Variants in BLTP1 observed in about 807,000 individuals in gnomAD.
BLTP1 encodes fragile site-associated protein.
chr4:122,359,529 A>G, the BLTP1 span: 3 of 1,599,240 alleles, frequency 1.9e-6, no homozygotes, highest in South Asian at 3.3e-5. Context: ...ACATAAATGT[A>G]TCATACTAAT....
chr4:122,194,316 T>C, the BLTP1 span, among the ~76,000 whole-genome samples: 1 of 152,224 alleles, frequency 6.6e-6, no homozygotes, highest in Non-Finnish European at 1.5e-5. Flanking sequence ...ATTTGAAAAT[T>C]CTTGCATTAT....
chr4:122,242,820 C>T, the BLTP1 span: 1 of 164,940 alleles, frequency 6.1e-6, no homozygotes, highest in Non-Finnish European at 1.3e-5. Context: ...TTATTTGAAT[C>T]AACAAAGTGA....
At chr4:122,320,978 C>T in the BLTP1 span, among the ~76,000 whole-genome samples, 9 of 144,674 alleles carry the variant, frequency 6.2e-5, no homozygotes, top group East Asian at 1.8e-3. Flanking sequence ...TCTTTTTTTA[C>T]TTTTTCTTTT....
At chr4:122,274,856 AT>A in the BLTP1 span, among the ~76,000 whole-genome samples, 1,383 of 152,228 alleles carry the variant, frequency 9.1e-3, 14 homozygotes, top group Non-Finnish European at 0.014. Flanking sequence ...GAAGTATGAT[AT>A]GTTACAGCTC....
At chr4:122,306,574 G>A in the BLTP1 span, 1 of 984,606 alleles carries the variant, frequency 1.0e-6, no homozygotes, top group East Asian at 1.1e-4. Flanking sequence ...TGAATTAGGA[G>A]TTCACCAGGG....
At chr4:122,206,958 C>T in the BLTP1 span, 1 of 557,968 alleles carries the variant, frequency 1.8e-6, no homozygotes. Context: ...TATTTAAATA[C>T]ATCCTAATCA....
At chr4:122,312,778 A>G in the BLTP1 span, 8 of 763,192 alleles carry the variant, frequency 1.0e-5, no homozygotes, top group South Asian at 3.0e-4. Flanking sequence ...TGTAATACCA[A>G]ATTACCTAAA....
At chr4:122,247,812 C>T in the BLTP1 span, 1 of 989,548 alleles carries the variant, frequency 1.0e-6, no homozygotes. Context: ...CTCTTAAAGT[C>T]CCTAGTTAGG....
chr4:122,211,136 A>G, the BLTP1 span: 16 of 1,515,736 alleles, frequency 1.1e-5, no homozygotes, highest in Admixed American at 2.7e-4. Flanking sequence ...TTAAATATAG[A>G]CAAAGCAATT....
chr4:122,218,782 G>T, the BLTP1 span, among the ~76,000 whole-genome samples: 4 of 152,194 alleles, frequency 2.6e-5, no homozygotes, highest in African/African-American at 9.7e-5. Context: ...AAACCAGGAT[G>T]AACTATGTGA....
chr4:122,293,486 A>G, the BLTP1 span, among the ~76,000 whole-genome samples: 1 of 151,768 alleles, frequency 6.6e-6, no homozygotes. Context: ...GCCAGGGAAA[A>G]CCAGGTTTTT....
the BLTP1 span, chr4:122,229,701 C>G: frequency 1.0e-6 from 1 of 960,510 alleles, no homozygotes; most frequent in Non-Finnish European, 1.2e-6. Context: ...CTGCTTTTTT[C>G]CTTTTCTCCT....
the BLTP1 span, chr4:122,189,567 T>C: frequency 3.8e-6 from 3 of 799,020 alleles, no homozygotes; most frequent in Non-Finnish European, 4.5e-6. Context: ...TTATTAGTTA[T>C]TAATATTAAG....
At chr4:122,358,835 A>G in the BLTP1 span, among the ~76,000 whole-genome samples, 2 of 152,198 alleles carry the variant, frequency 1.3e-5, no homozygotes, top group East Asian at 3.8e-4. Flanking sequence ...TATTAATGGC[A>G]AAAACTGCAA....
At chr4:122,359,749 C>T in the BLTP1 span, 2 of 1,574,016 alleles carry the variant, frequency 1.3e-6, no homozygotes, top group Admixed American at 1.9e-5. Flanking sequence ...TACATTTACC[C>T]ATATGCTAAG....
the BLTP1 span, chr4:122,257,546 G>GTGTTGA: frequency 6.5e-7 from 1 of 1,549,824 alleles, no homozygotes; most frequent in East Asian, 2.3e-5. Context: ...ACAAAACTAG[G>GTGTTGA]GTGTTTTCTT....
the BLTP1 span, chr4:122,269,609 TCAGTA>T: frequency 2.0e-6 from 2 of 984,918 alleles, no homozygotes; most frequent in African/African-American, 3.5e-5. Flanking sequence ...GCCATTAATT[TCAGTA>T]TTGTCTGGGT....
the BLTP1 span, chr4:122,162,461 C>T: frequency 1.1e-6 from 1 of 951,668 alleles, no homozygotes; most frequent in Non-Finnish European, 1.3e-6. Flanking sequence ...TCTTGAGGAC[C>T]TGTGGGCAGG....
the BLTP1 span, among the ~76,000 whole-genome samples, chr4:122,238,806 C>T: frequency 6.6e-6 from 1 of 152,154 alleles, no homozygotes; most frequent in African/African-American, 2.4e-5. Context: ...ATTTCTTCCT[C>T]CTTTCTTTTT....
Sources: gnomAD v4.1 joint callset for allele counts (sites outside exome capture counted in the v4.1 genomes callset) on GRCh38, gnomAD v4.1.1 for gene constraint, MANE v1.5 for transcripts, NCBI Gene and HGNC (gene_info 2026-07-23, HGNC 2026-07-21) for gene names.